The following ABCC4 variants were observed in gnomAD, a reference collection of about 807,000 sequenced individuals.
ABCC4 encodes the protein ATP binding cassette subfamily C member 4 (PEL blood group).
A neutral mutation model predicts 168.5 loss-of-function variants in ABCC4; 102 were observed. That is an observed-to-expected ratio of 0.61 (90% CI 0.52 to 0.71). The LOEUF (loss-of-function observed/expected upper bound fraction) is 0.71. Among genes scored for constraint, ABCC4 ranks in the 30% least tolerant of loss-of-function variants. ABCC4 has a pLI of 0.00. For synonymous variants in ABCC4, 617 were observed against 590.7 expected, an observed-to-expected ratio of 1.04 and a Z score of -0.65; for missense variants, 1,402 against 1,605.8, an observed-to-expected ratio of 0.87 and a Z score of 2.17.
At chr13:95,263,825 G>GAA (rs61665973) in intron 1 of ABCC4, among the ~76,000 whole-genome samples, 102 of 146,152 alleles carry the variant, frequency 7.0e-4, no homozygotes, top group South Asian at 1.1e-3. Flanking sequence ...TCTCAAAAAA[G>GAA]AAAAAAAAAA....
intron 1 of ABCC4, among the ~76,000 whole-genome samples, chr13:95,275,038 C>T (rs1417184775): frequency 1.3e-5 from 2 of 152,196 alleles, no homozygotes; most frequent in East Asian, 1.9e-4. Context: ...GATTGTGCCA[C>T]TGCACTCCAG....
chr13:95,106,620 T>C (rs2035015129), intron 20 of ABCC4, among the ~76,000 whole-genome samples: 1 of 152,032 alleles, frequency 6.6e-6, no homozygotes, highest in African/African-American at 2.4e-5. Flanking sequence ...TTAGCCCCAG[T>C]ATATCTACAT....
chr13:95,207,966 C>T (rs770072243), intron 6 of ABCC4, 41 bp from the exon 7 acceptor site: 25 of 1,590,026 alleles, frequency 1.6e-5, no homozygotes, highest in Admixed American at 9.6e-5. Flanking sequence ...TGAGCGATCA[C>T]AGCCTGCCCT....
At chr13:95,175,598 G>C (rs1301105157) in intron 13 of ABCC4, among the ~76,000 whole-genome samples, 1 of 152,226 alleles carries the variant, frequency 6.6e-6, no homozygotes, top group African/African-American at 2.4e-5. Context: ...ATGGGCCACA[G>C]TGCCCGGCCA....
At chr13:95,289,707 A>AATGGAAATATGCACAGAAATAT (rs2041343688) in intron 1 of ABCC4, among the ~76,000 whole-genome samples, 1 of 152,178 alleles carries the variant, frequency 6.6e-6, no homozygotes, top group East Asian at 1.9e-4. Flanking sequence ...TGGCCAGAAA[A>AATGGAAATATGCACAGAAATAT]ATGGAAATAT....
rs150637198 is a variant in ABCC4 at position 95,130,431 on chromosome 13, T to C, written c.2456-14430A>G. 1.3e-3 allele frequency among the ~76,000 whole-genome samples: 199 copies of C among 152,334 alleles called. 1 individual carries two copies. Among genetic ancestry groups the C allele is most frequent in the African/African-American group, 4.6e-3 (191 of 41,578 alleles). On this transcript the variant is annotated intron_variant, in intron 19 of 30. Coordinates refer to ENST00000645237, the MANE Select transcript of ABCC4 (RefSeq NM_005845.5). The stretch of plus-strand genomic sequence containing the variant: ...TTTCTGCTGCTCTGACAGTACACAA[T>C]GATTACTGCACTGTGTGTATTTATT...
chr13:95,139,304 G>GC (rs2036240009), intron 19 of ABCC4, among the ~76,000 whole-genome samples: 1 of 152,204 alleles, frequency 6.6e-6, no homozygotes, highest in African/African-American at 2.4e-5. Flanking sequence ...AGGATTGGCC[G>GC]CCCAAAGGAG....
chr13:95,057,808 A>G (rs9561776), intron 26 of ABCC4, among the ~76,000 whole-genome samples: 48,037 of 152,186 alleles, frequency 0.32, 7,752 homozygotes, highest in Non-Finnish European at 0.34. Flanking sequence ...AAGAAACAGC[A>G]CTTGGTTCTG....
intron 1 of ABCC4, among the ~76,000 whole-genome samples, chr13:95,290,863 G>A (rs560340257): frequency 4.4e-4 from 64 of 145,106 alleles, no homozygotes; most frequent in Admixed American, 1.7e-3. Context: ...CGGGTGTGGT[G>A]GCAAGCACCT....
intron 8 of ABCC4, among the ~76,000 whole-genome samples, chr13:95,200,070 A>C (rs2139658066): frequency 6.6e-6 from 1 of 152,278 alleles, no homozygotes; most frequent in Non-Finnish European, 1.5e-5. Context: ...TTACGTGGTT[A>C]TTTATTAACC....
At chr13:95,271,431 A>G (rs2040844493) in intron 1 of ABCC4, among the ~76,000 whole-genome samples, 1 of 152,180 alleles carries the variant, frequency 6.6e-6, no homozygotes, top group Admixed American at 6.5e-5. Flanking sequence ...TGGTTCGCAG[A>G]GGTCCCCGTC....
intron 1 of ABCC4, among the ~76,000 whole-genome samples, chr13:95,263,049 A>G (rs530214146): frequency 5.3e-4 from 81 of 152,272 alleles, no homozygotes; most frequent in African/African-American, 1.9e-3. Flanking sequence ...TTCGCTGTCT[A>G]AAGTGGCCCC....
At chr13:95,048,368 A>T (rs1384243879) in intron 27 of ABCC4, among the ~76,000 whole-genome samples, 1 of 152,210 alleles carries the variant, frequency 6.6e-6, no homozygotes, top group Non-Finnish European at 1.5e-5. Flanking sequence ...AAGACAGCCC[A>T]TTTCTATCAT....
intron 19 of ABCC4, among the ~76,000 whole-genome samples, chr13:95,126,879 AAATATATATATAT>A (rs1387739213): frequency 5.4e-5 from 8 of 148,158 alleles, no homozygotes; most frequent in Non-Finnish European, 8.9e-5. Flanking sequence ...TAAGTACACC[AAATATATATATAT>A]ATTTAAGTAC....
In ABCC4 at chr13:95,054,021, C is replaced by CTTTTTTTT. The variant is rs55980425; in HGVS notation, c.3367-845_3367-838dup. Reference sequence around the variant, plus strand: ...CTCTCCAATGTCAGAATGGGACATCCTTTTTTTTTTTTTTTTTTTTTTTTT... The same window carrying CTTTTTTTT: ...CTCTCCAATGTCAGAATGGGACATCCTTTTTTTTTTTTTTTTTTTTTTTTTTTTTTTTT... On this transcript the variant is annotated intron_variant, in intron 26 of 30. Transcript: ENST00000645237. 104 of 71,632 alleles carry CTTTTTTTT rather than the reference C, an allele frequency of 1.5e-3. 7 individuals are homozygous for CTTTTTTTT. The highest frequency in any genetic ancestry group is 7.2e-3 in the African/African-American group (99 of 13,774). 4.4% of individuals were successfully genotyped at this position (71,632 alleles called of 1,614,324 possible). A position where few individuals can be genotyped will look rare whatever the true frequency, so the allele number is the denominator to read the frequency against.
intron 21 of ABCC4, among the ~76,000 whole-genome samples, chr13:95,078,636 G>A (rs1332554212): frequency 6.6e-6 from 1 of 152,076 alleles, no homozygotes; most frequent in Non-Finnish European, 1.5e-5. Flanking sequence ...CCTGCACCCT[G>A]GAACTTGGTC....
chr13:95,115,334 C>T (rs1210921159), intron 20 of ABCC4, among the ~76,000 whole-genome samples: 1 of 151,034 alleles, frequency 6.6e-6, no homozygotes, highest in Non-Finnish European at 1.5e-5. Flanking sequence ...ACAAAAAAGA[C>T]ATTTTCTGAG....
At chr13:95,245,406 A>G (rs1316565322) in intron 3 of ABCC4, among the ~76,000 whole-genome samples, 1 of 152,236 alleles carries the variant, frequency 6.6e-6, no homozygotes, top group Non-Finnish European at 1.5e-5. Flanking sequence ...TGCACAGCCA[A>G]ACTGGGCCAG....
intron 26 of ABCC4, 61 bp from the exon 27 acceptor site, chr13:95,053,245 C>G: frequency 8.0e-7 from 1 of 1,242,570 alleles, no homozygotes; most frequent in South Asian, 1.2e-5. Flanking sequence ...TATTCCAATG[C>G]TAACATCAAC....
Sources: allele counts gnomAD v4.1 joint callset (sites outside exome capture counted in the v4.1 genomes callset), GRCh38; gene constraint gnomAD v4.1.1; transcripts MANE v1.5; gene names NCBI Gene and HGNC (gene_info 2026-07-23, HGNC 2026-07-21).